Variants in ZNF512 observed in about 807,000 individuals in gnomAD.
The protein encoded by ZNF512 is zinc finger protein 512.
Under a neutral mutation model 77.5 loss-of-function variants are expected in ZNF512, and 25 were observed. The observed-to-expected ratio is 0.32, with a 90% CI of 0.23 to 0.45. The LOEUF is 0.45. ZNF512 is among the 20% of genes least tolerant of loss of function. The probability of loss-of-function intolerance (pLI) is 1.00; values close to 1 mark genes in which losing one functional copy is unlikely to be tolerated. For missense variants in ZNF512, 483 were observed against 692.6 expected, an observed-to-expected ratio of 0.70 and a Z score of 3.40; for synonymous variants, 246 against 239.9, an observed-to-expected ratio of 1.03 and a Z score of -0.24.
chr2:27,603,591 T>TATATATA (rs772409987), intron 9 of ZNF512, among the ~76,000 whole-genome samples: 69 of 87,238 alleles, frequency 7.9e-4, no homozygotes, highest in African/African-American at 2.4e-3. Flanking sequence ...TGTGTGTATA[T>TATATATA]TTTTTTTTTT....
At position 27,622,486 on chromosome 2, in the gene ZNF512, A is replaced by G. The variant is rs1673161469; in HGVS notation, c.*1025A>G. 1 of 152,704 alleles carries G rather than the reference A, an allele frequency of 6.5e-6. No homozygotes were observed. Among genetic ancestry groups the G allele is most frequent in the Admixed American group, 6.6e-5 (1 of 15,266 alleles). The allele number at this position is 152,704 out of a possible 1,614,324, so 9.5% of individuals were successfully genotyped here. A position where few individuals can be genotyped will look rare whatever the true frequency, so the allele number is the denominator to read the frequency against. On this transcript the variant is annotated 3_prime_UTR_variant, in exon 14 of 14. Coordinates refer to ENST00000355467, the MANE Select transcript of ZNF512 (RefSeq NM_032434.4). ...TGAGAATATTGTCCTATCCTCTTTTATATATGGAGTTCTCTCCTCTTTATA... is the reference window on the plus strand; with the variant it reads ...TGAGAATATTGTCCTATCCTCTTTTGTATATGGAGTTCTCTCCTCTTTATA...
chr2:27,595,948 T>C (rs1228711553), intron 2 of ZNF512, among the ~76,000 whole-genome samples: 1 of 152,250 alleles, frequency 6.6e-6, no homozygotes, highest in Non-Finnish European at 1.5e-5. Flanking sequence ...CCTGGTTCTT[T>C]ATGTGTTGCA....
At chr2:27,586,485 C>T (rs1671336092) in intron 2 of ZNF512, among the ~76,000 whole-genome samples, 1 of 150,498 alleles carries the variant, frequency 6.6e-6, no homozygotes, top group East Asian at 1.9e-4. Flanking sequence ...CCATCTTGGC[C>T]TTCCAAAGTG....
intron 10 of ZNF512, among the ~76,000 whole-genome samples, chr2:27,614,733 T>C (rs1307067133): frequency 6.6e-6 from 1 of 151,888 alleles, no homozygotes; most frequent in African/African-American, 2.4e-5. Context: ...TTTTGATTTA[T>C]ACACTTCTAA....
intron 1 of ZNF512, chr2:27,583,450 G>C: frequency 6.9e-7 from 1 of 1,448,496 alleles, no homozygotes; most frequent in Non-Finnish European, 9.0e-7. Flanking sequence ...CTTTGAGAAT[G>C]GGGGAAGACG....
chr2:27,584,770 A>G (rs1671254316), intron 2 of ZNF512, among the ~76,000 whole-genome samples: 1 of 152,176 alleles, frequency 6.6e-6, no homozygotes, highest in Non-Finnish European at 1.5e-5. Context: ...TTAATGGGAT[A>G]GTAAGTAGTT....
intron 10 of ZNF512, among the ~76,000 whole-genome samples, chr2:27,610,277 T>C (rs1270963679): frequency 1.3e-5 from 2 of 149,346 alleles, no homozygotes; most frequent in Admixed American, 6.7e-5. Context: ...GGCAGGAGAT[T>C]CACTTGAACC....
intron 10 of ZNF512, among the ~76,000 whole-genome samples, chr2:27,610,530 A>G (rs1242906443): frequency 5.9e-5 from 5 of 84,418 alleles, no homozygotes; most frequent in African/African-American, 1.8e-4. Context: ...ATGTGTGTGT[A>G]TATATATGTG....
chr2:27,604,500 G>C (rs1269563606), intron 9 of ZNF512, among the ~76,000 whole-genome samples: 2 of 152,098 alleles, frequency 1.3e-5, no homozygotes, highest in Non-Finnish European at 2.9e-5. Context: ...CATAGACTAG[G>C]CGGGGTGCCT....
At chr2:27,587,833 G>A (rs912511516) in intron 2 of ZNF512, among the ~76,000 whole-genome samples, 4 of 151,442 alleles carry the variant, frequency 2.6e-5, no homozygotes, top group South Asian at 2.1e-4. Flanking sequence ...GGCATGTGCC[G>A]CCACGCCTGG....
At chr2:27,583,610 G>A (rs1187715102) in intron 1 of ZNF512, 48 bp from the exon 2 acceptor site, 1 of 1,606,432 alleles carries the variant, frequency 6.2e-7, no homozygotes, top group South Asian at 1.1e-5. Context: ...TTTTGTGGTC[G>A]AGGTTCAGAG....
Position 27,615,266 on chromosome 2 carries a change from C to A in ZNF512, c.1230C>A (p.Asn410Lys). The A allele has an allele frequency of 6.3e-7, 1 of 1,577,908 alleles. No homozygotes were observed. Among genetic ancestry groups the A allele is most frequent in the South Asian group, 1.2e-5 (1 of 85,030 alleles). The change falls in exon 11 of 14, where the codon AAC becomes AAA. Residue 410 changes from asparagine (N) to lysine (K), a missense_variant. Coordinates refer to ENST00000355467, the MANE Select transcript of ZNF512 (RefSeq NM_032434.4). ...IKKYHRIQCPNQGCEAVYSSV... is the reference protein window; with the variant it reads ...IKKYHRIQCPKQGCEAVYSSV... ...AATATCATCGTATTCAGTGTCCTAA[C>A]CAGGTGGTTCTTTCTCATTCATTTA... is the stretch of plus-strand genomic sequence containing the variant.
chr2:27,603,590 A>ATATTTT (rs1553352045), intron 9 of ZNF512, among the ~76,000 whole-genome samples: 9 of 85,676 alleles, frequency 1.1e-4, no homozygotes, highest in African/African-American at 3.8e-4. Context: ...GTGTGTGTAT[A>ATATTTT]TTTTTTTTTT....
intron 2 of ZNF512, among the ~76,000 whole-genome samples, chr2:27,588,473 T>G (rs1671435450): frequency 6.6e-6 from 1 of 152,084 alleles, no homozygotes; most frequent in African/African-American, 2.4e-5. Context: ...ATGGTAAGGG[T>G]CAATGTTGAC....
At chr2:27,600,623 G>A (rs1672077197) in intron 5 of ZNF512, 68 bp from the exon 6 acceptor site, 5 of 1,544,340 alleles carry the variant, frequency 3.2e-6, no homozygotes, top group African/African-American at 1.4e-5. Flanking sequence ...TTCCTAAATC[G>A]TGGGATTATG....
chr2:27,611,790 C>T (rs957904163), intron 10 of ZNF512, among the ~76,000 whole-genome samples: 3 of 151,812 alleles, frequency 2.0e-5, no homozygotes, highest in Non-Finnish European at 4.4e-5. Context: ...CTCCGCCTCC[C>T]GGGTTCAAGC....
intron 2 of ZNF512, among the ~76,000 whole-genome samples, chr2:27,594,186 G>A (rs1204653191): frequency 1.4e-4 from 21 of 151,194 alleles, no homozygotes; most frequent in East Asian, 5.9e-4. Context: ...CAGATGGGGC[G>A]GCCAGGCAGA....
At chr2:27,603,107 A>T (rs766443994) in intron 8 of ZNF512, 33 bp from the exon 9 acceptor site, 1 of 1,608,390 alleles carries the variant, frequency 6.2e-7, no homozygotes, top group South Asian at 1.1e-5. Flanking sequence ...AAAAGATGTA[A>T]GATTATAGTT....
At chr2:27,608,473 G>T (rs1171042192) in intron 10 of ZNF512, among the ~76,000 whole-genome samples, 1 of 152,084 alleles carries the variant, frequency 6.6e-6, no homozygotes, top group Non-Finnish European at 1.5e-5. Flanking sequence ...GATTTGCTTT[G>T]AGTAGCTGTG....
Sources: gnomAD v4.1 joint callset for allele counts (sites outside exome capture counted in the v4.1 genomes callset) on GRCh38, gnomAD v4.1.1 for gene constraint, MANE v1.5 for transcripts, NCBI Gene and HGNC (gene_info 2026-07-23, HGNC 2026-07-21) for gene names.